Variants in SLIT2 observed in about 807,000 individuals in gnomAD.
SLIT2 encodes the protein slit homolog 2 protein.
A neutral mutation model predicts 185.7 loss-of-function variants in SLIT2; 41 were observed. The observed-to-expected ratio is 0.22, with a 90% CI of 0.17 to 0.29. The LOEUF (loss-of-function observed/expected upper bound fraction) is 0.29. SLIT2 is among the 10% of genes least tolerant of loss of function. The pLI is 1.00. For synonymous variants in SLIT2, 693 were observed against 680.2 expected, an observed-to-expected ratio of 1.02 and a Z score of -0.29; for missense variants, 1,571 against 1,909.0, an observed-to-expected ratio of 0.82 and a Z score of 3.30.
chr4:20,472,515 GAT>G (rs1491401273), intron 5 of SLIT2, among the ~76,000 whole-genome samples: 99 of 9,272 alleles, frequency 0.011, 34 homozygotes, highest in African/African-American at 0.012. Flanking sequence ...TATATAGATA[GAT>G]ATATATCTAT....
At chr4:20,495,833 A>G (rs1409897575) in intron 9 of SLIT2, among the ~76,000 whole-genome samples, 3 of 152,210 alleles carry the variant, frequency 2.0e-5, no homozygotes, top group African/African-American at 4.8e-5. Context: ...TTATAGTGGC[A>G]TAACTTACTA....
intron 29 of SLIT2, among the ~76,000 whole-genome samples, chr4:20,575,102 A>G (rs1020616732): frequency 2.8e-4 from 43 of 152,346 alleles, no homozygotes; most frequent in Admixed American, 1.8e-3. Context: ...TCTCAGAAAC[A>G]TAATAGCAAT....
chr4:20,518,002 T>A (rs1330643295), intron 11 of SLIT2, among the ~76,000 whole-genome samples: 1 of 150,930 alleles, frequency 6.6e-6, no homozygotes, highest in Non-Finnish European at 1.5e-5. Context: ...AATATGTAGA[T>A]GTAAGTTCAA....
intron 4 of SLIT2, among the ~76,000 whole-genome samples, chr4:20,461,632 G>C (rs28680221): frequency 6.6e-6 from 1 of 152,016 alleles, no homozygotes; most frequent in South Asian, 2.1e-4. Flanking sequence ...TAGACGTGCA[G>C]GTAGGTCAGA....
At chr4:20,456,191 C>G (rs1337699635) in intron 4 of SLIT2, among the ~76,000 whole-genome samples, 3 of 66,222 alleles carry the variant, frequency 4.5e-5, no homozygotes, top group Non-Finnish European at 9.2e-5. Context: ...AATGAAGGGT[C>G]CTCTTAATTT....
At chr4:20,481,812 A>C (rs1716731071) in intron 6 of SLIT2, among the ~76,000 whole-genome samples, 1 of 152,062 alleles carries the variant, frequency 6.6e-6, no homozygotes, top group African/African-American at 2.4e-5. Context: ...TTTTAATTGC[A>C]AGAAAATAGA....
intron 4 of SLIT2, among the ~76,000 whole-genome samples, chr4:20,370,046 C>T (rs1216567187): frequency 2.0e-5 from 3 of 152,000 alleles, no homozygotes; most frequent in Non-Finnish European, 4.4e-5. Context: ...TGGTCTCTAC[C>T]CCAGACCAAC....
intron 4 of SLIT2, among the ~76,000 whole-genome samples, chr4:20,405,918 C>CTGTCCTATCAACAATGAAATACAAAA: frequency 6.8e-6 from 1 of 146,860 alleles, no homozygotes; most frequent in East Asian, 2.3e-4. Flanking sequence ...TATTCACAAA[C>CTGTCCTATCAACAATGAAATACAAAA]ATTACCTTGG....
intron 4 of SLIT2, among the ~76,000 whole-genome samples, chr4:20,331,794 C>T: frequency 6.6e-6 from 1 of 152,106 alleles, no homozygotes; most frequent in East Asian, 1.9e-4. Flanking sequence ...ACTTTTTACT[C>T]TTCTGACTCC....
intron 4 of SLIT2, among the ~76,000 whole-genome samples, chr4:20,388,926 T>C (rs1725179245): frequency 6.9e-6 from 1 of 145,210 alleles, no homozygotes; most frequent in Non-Finnish European, 1.5e-5. Context: ...ATATATAATA[T>C]ATAATATATA....
At chr4:20,410,412 C>A (rs1009981642) in intron 4 of SLIT2, among the ~76,000 whole-genome samples, 55 of 147,634 alleles carry the variant, frequency 3.7e-4, no homozygotes, top group African/African-American at 1.4e-3. Context: ...CCATGCCCAG[C>A]TAATTTTTTT....
At chr4:20,437,737 C>A (rs1729446695) in intron 4 of SLIT2, among the ~76,000 whole-genome samples, 1 of 151,738 alleles carries the variant, frequency 6.6e-6, no homozygotes, top group African/African-American at 2.4e-5. Context: ...ATGGTGAAAC[C>A]CTGTCTCTAC....
At chr4:20,478,827 A>G (rs1234401913) in intron 5 of SLIT2, among the ~76,000 whole-genome samples, 2 of 152,088 alleles carry the variant, frequency 1.3e-5, no homozygotes, top group Non-Finnish European at 2.9e-5. Flanking sequence ...ATATATATAT[A>G]GCACTTTAAA....
intron 4 of SLIT2, among the ~76,000 whole-genome samples, chr4:20,278,634 C>T (rs1159513351): frequency 6.6e-6 from 1 of 151,278 alleles, no homozygotes; most frequent in Admixed American, 6.6e-5. Context: ...ACAAAACAAA[C>T]AAAAACAAAA....
At chr4:20,617,226 C>A in intron 35 of SLIT2, 28 bp downstream of exon 35, 1 of 1,521,612 alleles carries the variant, frequency 6.6e-7, no homozygotes. Flanking sequence ...GGGAGTTGAG[C>A]ACACACCTGA....
chr4:20,558,091 G>A (rs766412845), intron 26 of SLIT2, among the ~76,000 whole-genome samples: 1 of 152,020 alleles, frequency 6.6e-6, no homozygotes, highest in Non-Finnish European at 1.5e-5. Flanking sequence ...TGAAGATGCT[G>A]TGAACATTGT....
chr4:20,575,848 C>T (rs1342183521), intron 29 of SLIT2, among the ~76,000 whole-genome samples: 1 of 151,756 alleles, frequency 6.6e-6, no homozygotes, highest in African/African-American at 2.4e-5. Flanking sequence ...ATAAATTCCC[C>T]CCGAGAACTA....
intron 4 of SLIT2, among the ~76,000 whole-genome samples, chr4:20,427,981 C>T (rs1422065101): frequency 6.6e-6 from 1 of 152,276 alleles, no homozygotes; most frequent in South Asian, 2.1e-4. Context: ...GTGCTAATTA[C>T]TTCTCACTCA....
At chr4:20,274,877 GAAACTAACAAAATA>G (rs1714008007) in intron 4 of SLIT2, among the ~76,000 whole-genome samples, 1 of 152,054 alleles carries the variant, frequency 6.6e-6, no homozygotes, top group African/African-American at 2.4e-5. Context: ...GCTCAGAAGG[GAAACTAACAAAATA>G]TGTGGCTCTA....
Sources: gnomAD v4.1 joint callset for allele counts (sites outside exome capture counted in the v4.1 genomes callset) on GRCh38, gnomAD v4.1.1 for gene constraint, MANE v1.5 for transcripts, NCBI Gene and HGNC (gene_info 2026-07-23, HGNC 2026-07-21) for gene names.